CNDP2: variants seen among roughly 807,000 people sequenced by gnomAD.
CNDP2 encodes the protein carnosine dipeptidase 2.
Under a neutral mutation model 55.0 loss-of-function variants are expected in CNDP2, and 38 were observed. That is an observed-to-expected ratio of 0.69 (90% CI 0.53 to 0.90). The LOEUF (loss-of-function observed/expected upper bound fraction) is 0.90. Among genes scored for constraint, CNDP2 ranks in the 40% least tolerant of loss-of-function variants. The pLI, the probability that CNDP2 is intolerant of heterozygous loss-of-function variation, is 0.00. For synonymous variants in CNDP2, 241 were observed against 260.2 expected, an observed-to-expected ratio of 0.93 and a Z score of 0.71; for missense variants, 607 against 621.7, an observed-to-expected ratio of 0.98 and a Z score of 0.25.
rs762579244 is a variant in CNDP2, at chr18:74,501,460, C to T, written c.192C>T (p.Ile64=). ...GGGGCTCTGTGGAACTGGTGGATATCGGAAAACAAAAGGTAGGAGGCAACA... is the reference window on the plus strand; with the variant it reads ...GGGGCTCTGTGGAACTGGTGGATATTGGAAAACAAAAGGTAGGAGGCAACA... ...QLGGSVELVD[I]GKQKLPDGSE... is the part of the protein sequence containing the mutation. Residue 64 remains isoleucine (I), a synonymous_variant, in exon 3 of 12, where the codon ATC becomes ATT. Transcript: ENST00000324262. The T allele has an allele frequency of 5.0e-6, 8 of 1,613,020 alleles. No individual in the cohort carries two copies. Among genetic ancestry groups the T allele is most frequent in the South Asian group, 2.2e-5 (2 of 90,960 alleles).
intron 8 of CNDP2, among the ~76,000 whole-genome samples, chr18:74,514,365 G>A (rs553461330): frequency 1.6e-4 from 25 of 152,136 alleles, no homozygotes; most frequent in Middle Eastern, 3.4e-3. Context: ...AGGTTTATGC[G>A]GTACAGATGT....
At chr18:74,513,911 T>A in intron 8 of CNDP2, 192 bp downstream of exon 8, 1 of 561,884 alleles carries the variant, frequency 1.8e-6, no homozygotes, top group African/African-American at 1.9e-5. Context: ...TTTCAAAATC[T>A]ACTTTTGATT....
intron 3 of CNDP2, among the ~76,000 whole-genome samples, chr18:74,502,291 T>C: frequency 6.6e-6 from 1 of 152,328 alleles, no homozygotes; most frequent in East Asian, 1.9e-4. Flanking sequence ...GTACAGTAAG[T>C]ACTCACGTCA....
chr18:74,514,951 T>C (rs1300953014), intron 8 of CNDP2, among the ~76,000 whole-genome samples: 1 of 152,158 alleles, frequency 6.6e-6, no homozygotes, highest in East Asian at 1.9e-4. Flanking sequence ...TACCAAAGGC[T>C]GTGGGCCTGC....
In CNDP2 at chr18:74,519,096, G is replaced by A. The variant is rs1317428928; in HGVS notation, c.1358G>A (p.Arg453Lys). ...CACTCCCAGAATGAAAAGCTCAACA[G>A]GTGAGAGTCCAGGGTGCGGCCCAGG... Reference protein sequence around the residue: ...GAHSQNEKLNRYNYIEGTKML... With the variant: ...GAHSQNEKLNKYNYIEGTKML... The change falls in exon 11 of 12, where the codon AGG (arginine) becomes AAG (lysine). Residue 453 changes from arginine to lysine, a missense_variant and splice_region_variant. Transcript: ENST00000324262. The A allele has an allele frequency of 1.2e-6, 2 of 1,605,834 alleles. No individual in the cohort carries two copies. Among genetic ancestry groups the A allele is most frequent in the African/African-American group, 1.3e-5 (1 of 74,744 alleles).
At chr18:74,517,992 T>TG (rs895994160) in intron 9 of CNDP2, 2 of 152,256 alleles carry the variant, frequency 1.3e-5, no homozygotes, top group South Asian at 2.1e-4. Context: ...CCCCTCTTTC[T>TG]GGCCGGGCGC....
chr18:74,508,797 C>G (rs772606826), intron 4 of CNDP2, 43 bp from the exon 5 acceptor site: 2 of 1,534,206 alleles, frequency 1.3e-6, no homozygotes, highest in Admixed American at 3.3e-5. Flanking sequence ...CTTCTGGGTT[C>G]CTTGTAATCA....
At chr18:74,517,605 G>A (rs1230156053) in intron 9 of CNDP2, 3 of 152,140 alleles carry the variant, frequency 2.0e-5, no homozygotes, top group African/African-American at 4.8e-5. Context: ...AGAGGCAGGG[G>A]TGGTGTGTGC....
In CNDP2 at chr18:74,505,890, C is replaced by G; in HGVS notation, c.246C>G (p.Leu82=). 1 of 1,611,846 alleles carries G rather than the reference C, an allele frequency of 6.2e-7. No individual in the cohort carries two copies. The highest frequency in any genetic ancestry group is 8.5e-7 in the Non-Finnish European group (1 of 1,179,340). ...GSEIPLPPIL[L]GRLGSDPQKK... ...AGATCCCGCTCCCTCCTATTCTGCTCGGCAGGCTGGGCTCCGACCCACAGA... is the reference window on the plus strand; with the variant it reads ...AGATCCCGCTCCCTCCTATTCTGCTGGGCAGGCTGGGCTCCGACCCACAGA... The change falls in exon 4 of 12, where the codon CTC becomes CTG. Residue 82 remains leucine (L), a synonymous_variant. Coordinates refer to ENST00000324262, the MANE Select transcript of CNDP2 (RefSeq NM_018235.3).
At chr18:74,508,134 T>A (rs1403212485) in intron 4 of CNDP2, 2 of 152,372 alleles carry the variant, frequency 1.3e-5, no homozygotes, top group Non-Finnish European at 2.9e-5. Flanking sequence ...AGGCCACGCC[T>A]TGAGGACGGC....
At chr18:74,506,090 T>A in intron 4 of CNDP2, 79 bp downstream of exon 4, 3 of 1,290,778 alleles carry the variant, frequency 2.3e-6, no homozygotes, top group South Asian at 3.9e-5. Context: ...TTTTTCTGTT[T>A]CCAGTACAGA....
In CNDP2 at chr18:74,511,022, C is replaced by T. The variant is rs774889715; in HGVS notation, c.657+9C>T. 16 of 1,609,244 alleles carry T rather than the reference C, an allele frequency of 9.9e-6. No homozygotes were observed. In the Middle Eastern group the frequency reaches 1.5e-3, roughly 154 times the overall value. The stretch of plus-strand genomic sequence containing the variant: ...GCTACTTTTTCATCGAGGTACAGTG[C>T]CAAGCTGTACGGGTCACTTCTTTCT... On this transcript the variant is annotated intron_variant, in intron 6 of 11. Coordinates refer to ENST00000324262, the MANE Select transcript of CNDP2 (RefSeq NM_018235.3).
intron 4 of CNDP2, 22 bp downstream of exon 4, chr18:74,506,033 G>C (rs199778625): frequency 2.6e-6 from 4 of 1,535,310 alleles, no homozygotes; most frequent in Non-Finnish European, 1.7e-6. Flanking sequence ...GCGCCTATGC[G>C]TGCCCAGAGG....
rs971194553 is a variant in CNDP2 at position 74,505,726 on chromosome 18, C to G, written c.205-123C>G. Reference sequence around the variant, plus strand: ...CCATTGAACAGTGTGCTCTTAAACTCTACAATAGAGGTTGATTGATAAGGA... The same window carrying G: ...CCATTGAACAGTGTGCTCTTAAACTGTACAATAGAGGTTGATTGATAAGGA... On this transcript the variant is annotated intron_variant, in intron 3 of 11. Transcript: ENST00000324262. The G allele has an allele frequency of 3.4e-5, 36 of 1,065,168 alleles. 1 individual carries two copies. Among genetic ancestry groups the G allele is most frequent in the African/African-American group, 4.9e-5 (3 of 61,324 alleles). 66.0% of individuals were successfully genotyped at this position (1,065,168 alleles called of 1,614,324 possible).
chr18:74,519,918 C>A, intron 11 of CNDP2, 81 bp from the exon 12 acceptor site: 2 of 1,290,290 alleles, frequency 1.6e-6, no homozygotes, highest in Non-Finnish European at 2.2e-6. Flanking sequence ...CAGAGTGTGT[C>A]TGGGCTCGGG....
Position 74,518,564 on chromosome 18 carries a change from G to A in CNDP2, c.1134G>A (p.Met378Ile). The part of the protein sequence containing the change: ...LRSPNEFKVY[M>I]GHGGKPWVSD... The stretch of plus-strand genomic sequence containing the variant: ...GCCCCAATGAGTTCAAGGTGTACAT[G>A]GGCCACGGTGGGAAGCCCTGGGTCT... Residue 378 changes from methionine (M) to isoleucine (I), a missense_variant, in exon 10 of 12, where the codon ATG becomes ATA. Physicochemically the swap from Met to Ile is conservative, Grantham distance 10. Coordinates refer to ENST00000324262, the MANE Select transcript of CNDP2 (RefSeq NM_018235.3). 4 of 1,614,220 alleles carry A rather than the reference G, an allele frequency of 2.5e-6. No individual in the cohort carries two copies. The highest frequency in any genetic ancestry group is 3.4e-6 in the Non-Finnish European group (4 of 1,180,038).
Position 74,508,606 on chromosome 18 carries a change from G to A in CNDP2, c.368-234G>A, listed in dbSNP as rs1056186536. The A allele has an allele frequency of 6.5e-5, 31 of 477,114 alleles. No individual in the cohort carries two copies. The Admixed American group carries it at 6.6e-4, about 10-fold the overall frequency. The allele number at this position is 477,114 out of a possible 1,614,324, so 29.6% of individuals were successfully genotyped here. A position where few individuals can be genotyped will look rare whatever the true frequency, so the allele number is the denominator to read the frequency against. ...GCCCCCACCTGACCACCGTGACCACGGTGGGAGAAGGAAGGGGTTCTTGGG... is the reference window on the plus strand; with the variant it reads ...GCCCCCACCTGACCACCGTGACCACAGTGGGAGAAGGAAGGGGTTCTTGGG... On this transcript the variant is annotated intron_variant, in intron 4 of 11. Transcript: ENST00000324262.
At chr18:74,506,202 C>G (rs1979016042) in intron 4 of CNDP2, among the ~76,000 whole-genome samples, 191 bp downstream of exon 4, 1 of 152,210 alleles carries the variant, frequency 6.6e-6, no homozygotes, top group Non-Finnish European at 1.5e-5. Flanking sequence ...GGCAAGATCT[C>G]AATTCACTGC....
intron 10 of CNDP2, 121 bp downstream of exon 10, chr18:74,518,761 G>A: frequency 6.8e-7 from 1 of 1,466,624 alleles, no homozygotes; most frequent in Non-Finnish European, 9.4e-7. Flanking sequence ...GGGGCGTGTA[G>A]TTAAGTCAGC....
Sources: allele counts gnomAD v4.1 joint callset (sites outside exome capture counted in the v4.1 genomes callset), GRCh38; gene constraint gnomAD v4.1.1; transcripts MANE v1.5; gene names NCBI Gene and HGNC (gene_info 2026-07-23, HGNC 2026-07-21).